The following CNTN5 variants were observed in gnomAD, a reference collection of about 807,000 sequenced individuals.
CNTN5 encodes the protein contactin 5, also known as contactin-5.
CNTN5 carries 77 observed loss-of-function variants against 129.1 expected under a neutral mutation model. The ratio of observed to expected loss-of-function variants is 0.60; its 90% CI spans 0.50 to 0.72. The LOEUF (loss-of-function observed/expected upper bound fraction) is 0.72. Ranked by LOEUF, CNTN5 falls within the 30% of genes least tolerant of loss-of-function variation. The pLI is 0.00. For synonymous variants in CNTN5, 509 were observed against 465.6 expected, an observed-to-expected ratio of 1.09 and a Z score of -1.20; for missense variants, 1,478 against 1,328.8, an observed-to-expected ratio of 1.11 and a Z score of -1.75.
chr11:99,539,142 T>G (rs1185823167), intron 2 of CNTN5, among the ~76,000 whole-genome samples: 2 of 152,078 alleles, frequency 1.3e-5, no homozygotes, highest in Non-Finnish European at 2.9e-5. Flanking sequence ...GTCTAAATGA[T>G]CATAAATTAT....
At chr11:100,207,089 C>A (rs1002083382) in intron 15 of CNTN5, among the ~76,000 whole-genome samples, 3 of 152,172 alleles carry the variant, frequency 2.0e-5, no homozygotes, top group African/African-American at 7.2e-5. Flanking sequence ...TTGAATAAGA[C>A]CAGGCCAGTG....
At chr11:99,772,416 T>C (rs561019774) in intron 3 of CNTN5, among the ~76,000 whole-genome samples, 3 of 152,218 alleles carry the variant, frequency 2.0e-5, no homozygotes, top group South Asian at 2.1e-4. Flanking sequence ...TCTGTGAACA[T>C]TTGTTACTCA....
intron 2 of CNTN5, among the ~76,000 whole-genome samples, chr11:99,470,050 G>A (rs1327182824): frequency 6.6e-6 from 1 of 152,168 alleles, no homozygotes; most frequent in African/African-American, 2.4e-5. Context: ...ACATCCATGA[G>A]GTGGTGAATT....
At chr11:100,336,925 C>T (rs538208330) in intron 21 of CNTN5, 12 of 637,606 alleles carry the variant, frequency 1.9e-5, no homozygotes, top group East Asian at 1.4e-4. Context: ...ATGCAGTCCC[C>T]GGTAGGCTTT....
intron 6 of CNTN5, among the ~76,000 whole-genome samples, chr11:99,903,537 T>C (rs1949413916): frequency 6.6e-6 from 1 of 152,106 alleles, no homozygotes; most frequent in Non-Finnish European, 1.5e-5. Context: ...TTTTTCTCAT[T>C]GGATATGTGG....
intron 1 of CNTN5, among the ~76,000 whole-genome samples, chr11:99,068,429 T>C (rs984187117): frequency 1.3e-5 from 2 of 152,170 alleles, no homozygotes; most frequent in South Asian, 2.1e-4. Flanking sequence ...GTTCAATTCC[T>C]AGATGGTCTA....
At chr11:100,126,185 GT>G (rs895310352) in intron 13 of CNTN5, among the ~76,000 whole-genome samples, 1 of 151,930 alleles carries the variant, frequency 6.6e-6, no homozygotes, top group East Asian at 1.9e-4. Flanking sequence ...ATGATTTTGA[GT>G]TTTTTTTAAT....
chr11:100,266,523 T>G (rs1489246320), intron 17 of CNTN5, among the ~76,000 whole-genome samples: 2 of 152,102 alleles, frequency 1.3e-5, no homozygotes, highest in Non-Finnish European at 1.5e-5. Context: ...AGTTTTTACT[T>G]TCTTTCATAT....
intron 3 of CNTN5, among the ~76,000 whole-genome samples, chr11:99,630,527 ACC>A (rs1465348632): frequency 6.6e-6 from 1 of 151,240 alleles, no homozygotes; most frequent in Non-Finnish European, 1.5e-5. Flanking sequence ...ATCATGCCTC[ACC>A]CCCCGTTTCA....
At chr11:99,497,708 G>C (rs1223449238) in intron 2 of CNTN5, among the ~76,000 whole-genome samples, 2 of 152,128 alleles carry the variant, frequency 1.3e-5, no homozygotes, top group Non-Finnish European at 2.9e-5. Context: ...TGAAATTGGA[G>C]ACTTCTTCCT....
chr11:99,981,076 G>GGATA (rs1938301076), intron 8 of CNTN5, among the ~76,000 whole-genome samples: 1 of 12,338 alleles, frequency 8.1e-5, no homozygotes, highest in African/African-American at 2.3e-4. Context: ...AGAGCCAATA[G>GGATA]GATATATATA....
intron 1 of CNTN5, among the ~76,000 whole-genome samples, chr11:99,091,363 G>A (rs1866241763): frequency 6.6e-6 from 1 of 152,204 alleles, no homozygotes; most frequent in African/African-American, 2.4e-5. Flanking sequence ...ATGTGAAATA[G>A]TTTGGTGGTC....
intron 2 of CNTN5, among the ~76,000 whole-genome samples, chr11:99,466,445 A>AT (rs1944947185): frequency 6.6e-6 from 1 of 151,592 alleles, no homozygotes; most frequent in Non-Finnish European, 1.5e-5. Flanking sequence ...TTTTTTCAGA[A>AT]CCCCATGTTG....
chr11:100,169,190 T>G (rs1214984117), intron 13 of CNTN5, among the ~76,000 whole-genome samples: 2 of 151,992 alleles, frequency 1.3e-5, no homozygotes, highest in African/African-American at 2.4e-5. Flanking sequence ...CACATCAACT[T>G]TGTTGATAAA....
At position 100,089,380 on chromosome 11, in the gene CNTN5, T is replaced by C. The variant is rs1944669255; in HGVS notation, c.1580+15086T>C. On this transcript the variant is annotated intron_variant, in intron 13 of 24. Transcript: ENST00000524871. ...AGATATCATCTCATGCCAGTTAGAA[T>C]GGTTATTATTAAAAAGTTATAAAAC... Among the ~76,000 whole-genome samples the C allele has an allele frequency of 4.6e-5, 7 of 152,150 alleles. 1 individual carries two copies. The South Asian group carries it at 1.0e-3, about 23-fold the overall frequency.
chr11:99,362,868 C>T (rs1381811944), intron 2 of CNTN5, among the ~76,000 whole-genome samples: 1 of 151,828 alleles, frequency 6.6e-6, no homozygotes, highest in Non-Finnish European at 1.5e-5. Flanking sequence ...ATTGTATATT[C>T]TATTCTGTAG....
intron 3 of CNTN5, among the ~76,000 whole-genome samples, chr11:99,576,181 GGAGGAAT>G (rs1157980953): frequency 7.2e-5 from 11 of 152,200 alleles, no homozygotes; most frequent in Non-Finnish European, 1.6e-4. Flanking sequence ...AGAAGAGAGT[GGAGGAAT>G]GAGAGATTGA....
chr11:99,812,314 G>C (rs1145394), intron 3 of CNTN5, among the ~76,000 whole-genome samples: 4,181 of 151,870 alleles, frequency 0.028, 72 homozygotes, highest in South Asian at 0.046. Flanking sequence ...CACTTTTTCA[G>C]TTCCTCAGGG....
intron 2 of CNTN5, among the ~76,000 whole-genome samples, chr11:99,393,913 T>C (rs956716986): frequency 1.3e-5 from 2 of 151,722 alleles, no homozygotes; most frequent in African/African-American, 4.8e-5. Context: ...AGCCTATAGG[T>C]ACACATCAAA....
Sources: allele counts gnomAD v4.1 joint callset (sites outside exome capture counted in the v4.1 genomes callset), GRCh38; gene constraint gnomAD v4.1.1; transcripts MANE v1.5; gene names NCBI Gene and HGNC (gene_info 2026-07-23, HGNC 2026-07-21).